Variants in LRFN5 observed in about 807,000 individuals in gnomAD.
The protein encoded by LRFN5 is leucine-rich repeat and fibronectin type-III domain-containing protein 5.
A neutral mutation model predicts 45.6 loss-of-function variants in LRFN5; 24 were observed. The observed-to-expected ratio is 0.53, with a 90% CI of 0.38 to 0.74. The LOEUF (loss-of-function observed/expected upper bound fraction) is 0.74, where lower values mean the gene tolerates loss of function less well. Among genes scored for constraint, LRFN5 ranks in the 30% least tolerant of loss-of-function variants. LRFN5 has a pLI of 0.00. For synonymous variants in LRFN5, 340 were observed against 313.8 expected (o/e 1.08, Z -0.88); for missense variants, 776 against 861.5 (o/e 0.90, Z 1.24).
intron 2 of LRFN5, among the ~76,000 whole-genome samples, chr14:41,884,902 C>A (rs1890511081): frequency 6.6e-6 from 1 of 151,974 alleles, no homozygotes. Flanking sequence ...GGGGCTTTTA[C>A]CCTACAAAAG....
chr14:41,903,691 A>T (rs1891165877), intron 5 of LRFN5, among the ~76,000 whole-genome samples: 1 of 151,866 alleles, frequency 6.6e-6, no homozygotes, highest in Non-Finnish European at 1.5e-5. Flanking sequence ...AAGGTGAATA[A>T]TTTACTACCA....
rs1334606872 is a variant in LRFN5, at chr14:41,808,438, G to A, written c.-21+41409G>A. On this transcript the variant is annotated intron_variant, in intron 2 of 5. Coordinates refer to ENST00000298119, the MANE Select transcript of LRFN5 (RefSeq NM_152447.5). ...AAGGAAGGAAGGAAGGAAGAATCGAGGGAGGGAGGGAGGACCTATAAGATT... is the reference window on the plus strand; with the variant it reads ...AAGGAAGGAAGGAAGGAAGAATCGAAGGAGGGAGGGAGGACCTATAAGATT... 1.8e-4 allele frequency among the ~76,000 whole-genome samples: 23 copies of A among 125,870 alleles called. 1 individual carries two copies. Among genetic ancestry groups the A allele is most frequent in the Non-Finnish European group, 5.0e-5 (3 of 59,500 alleles). 82.6% of individuals were successfully genotyped at this position (125,870 alleles called of 152,430 possible).
chr14:41,720,357 T>G (rs564605414), intron 1 of LRFN5, among the ~76,000 whole-genome samples: 1 of 152,268 alleles, frequency 6.6e-6, no homozygotes, highest in East Asian at 1.9e-4. Flanking sequence ...CCTAGGTTGA[T>G]TCCATGTCTT....
rs564746730 is a variant in LRFN5, at chr14:41,844,279, T to C, written c.-20-42327T>C. Among the ~76,000 whole-genome samples, 10 of 151,674 alleles carry C rather than the reference T, an allele frequency of 6.6e-5. 1 individual carries two copies. The highest frequency in any genetic ancestry group is 5.9e-4 in the Admixed American group (9 of 15,214). ...GGTGAAACCCCGTCTCTACTAAAAA[T>C]ACAAAAAATTAGCCAGGCGTGGTGG... is the stretch of plus-strand genomic sequence containing the variant. On this transcript the variant is annotated intron_variant, in intron 2 of 5. Coordinates refer to ENST00000298119, the MANE Select transcript of LRFN5 (RefSeq NM_152447.5).
At chr14:41,879,241 A>G (rs1283159547) in intron 2 of LRFN5, among the ~76,000 whole-genome samples, 1 of 152,074 alleles carries the variant, frequency 6.6e-6, no homozygotes, top group East Asian at 1.9e-4. Context: ...AAGAAGATTT[A>G]TGTTCCTAAA....
intron 2 of LRFN5, among the ~76,000 whole-genome samples, chr14:41,804,668 A>G (rs1594424515): frequency 1.3e-5 from 2 of 152,156 alleles, no homozygotes; most frequent in Non-Finnish European, 2.9e-5. Context: ...CCCTGGAAAG[A>G]CTAAGAGAAT....
chr14:41,661,710 G>C (rs1212404941), intron 1 of LRFN5, among the ~76,000 whole-genome samples: 1 of 151,974 alleles, frequency 6.6e-6, no homozygotes, highest in Non-Finnish European at 1.5e-5. Flanking sequence ...GTAGTGAAGA[G>C]TGTCAATAAG....
intron 2 of LRFN5, among the ~76,000 whole-genome samples, chr14:41,838,504 A>G (rs1029573563): frequency 2.0e-5 from 3 of 152,206 alleles, no homozygotes; most frequent in Non-Finnish European, 4.4e-5. Flanking sequence ...CTATGAACAG[A>G]TGAACCTTAA....
intron 1 of LRFN5, among the ~76,000 whole-genome samples, chr14:41,698,963 CAG>C (rs1303109168): frequency 1.3e-5 from 2 of 151,710 alleles, no homozygotes; most frequent in African/African-American, 4.8e-5. Context: ...ATATCAGAAA[CAG>C]AAAAGCAATC....
intron 2 of LRFN5, among the ~76,000 whole-genome samples, chr14:41,823,079 TA>T (rs201573708): frequency 2.6e-5 from 4 of 151,532 alleles, no homozygotes; most frequent in African/African-American, 7.3e-5. Flanking sequence ...GAATCTTTTT[TA>T]AAAAAAAATC....
At chr14:41,828,158 C>T (rs1306060338) in intron 2 of LRFN5, among the ~76,000 whole-genome samples, 1 of 151,860 alleles carries the variant, frequency 6.6e-6, no homozygotes, top group Non-Finnish European at 1.5e-5. Flanking sequence ...ACAGACTGTA[C>T]GTTTTAGATT....
At chr14:41,884,074 C>T (rs1274147757) in intron 2 of LRFN5, among the ~76,000 whole-genome samples, 2 of 152,138 alleles carry the variant, frequency 1.3e-5, no homozygotes, top group Non-Finnish European at 2.9e-5. Context: ...TGCTAGTACA[C>T]TGCCCCACAA....
Position 41,877,423 on chromosome 14 carries a change from A to C in LRFN5, c.-20-9183A>C, listed in dbSNP as rs1890222754. On this transcript the variant is annotated intron_variant, in intron 2 of 5. Transcript: ENST00000298119. ...CTACAAGTTAGAGAAGGCACAAGTT[A>C]GAGAAGGCATGATCATGACAAATTT... Among the ~76,000 whole-genome samples, 3 of 152,200 alleles carry C rather than the reference A, an allele frequency of 2.0e-5. No homozygotes were observed. The South Asian group carries it at 6.2e-4, about 32-fold the overall frequency.
intron 2 of LRFN5, among the ~76,000 whole-genome samples, chr14:41,824,303 G>A (rs1888220838): frequency 6.6e-6 from 1 of 152,148 alleles, no homozygotes; most frequent in African/African-American, 2.4e-5. Flanking sequence ...CACTTGTTAG[G>A]TTTGAATTTA....
rs879439276 is a variant in LRFN5 at position 41,650,891 on chromosome 14, G to T, written c.-197+42329G>T. Reference sequence around the variant, plus strand: ...AGCAACAAAGAGACAGAGAAAGAGAGAGAGAGAGGGAGGGAGGGAGGGAGG... The same window carrying T: ...AGCAACAAAGAGACAGAGAAAGAGATAGAGAGAGGGAGGGAGGGAGGGAGG... On this transcript the variant is annotated intron_variant, in intron 1 of 5. Coordinates refer to ENST00000298119, the MANE Select transcript of LRFN5 (RefSeq NM_152447.5). Among the ~76,000 whole-genome samples the T allele has an allele frequency of 9.7e-3, 1,086 of 111,632 alleles. 5 individuals carry two copies. Among genetic ancestry groups the T allele is most frequent in the East Asian group, 0.014 (46 of 3,334 alleles). The allele number at this position is 111,632 out of a possible 152,430, so 73.2% of individuals were successfully genotyped here. A position where few individuals can be genotyped will look rare whatever the true frequency, so the allele number is the denominator to read the frequency against.
intron 1 of LRFN5, among the ~76,000 whole-genome samples, chr14:41,732,460 A>G (rs1436198581): frequency 1.3e-5 from 2 of 152,166 alleles, no homozygotes; most frequent in African/African-American, 4.8e-5. Flanking sequence ...AAATACATAT[A>G]TTAGGTAAAT....
At chr14:41,691,880 C>A (rs868031003) in intron 1 of LRFN5, among the ~76,000 whole-genome samples, 1 of 152,006 alleles carries the variant, frequency 6.6e-6, no homozygotes, top group Admixed American at 6.6e-5. Context: ...TTTTGAGTTT[C>A]ATCAATATTA....
chr14:41,893,585 A>T, intron 4 of LRFN5: 1 of 985,324 alleles, frequency 1.0e-6, no homozygotes, highest in Non-Finnish European at 1.2e-6. Flanking sequence ...CTTAAGACAC[A>T]AGTGAGGAAT....
At chr14:41,658,540 T>G in intron 1 of LRFN5, among the ~76,000 whole-genome samples, 1 of 151,966 alleles carries the variant, frequency 6.6e-6, no homozygotes, top group East Asian at 1.9e-4. Context: ...ATAATTTATT[T>G]CTAATATATC....
Sources: allele counts gnomAD v4.1 joint callset (sites outside exome capture counted in the v4.1 genomes callset), GRCh38; gene constraint gnomAD v4.1.1; transcripts MANE v1.5; gene names NCBI Gene and HGNC (gene_info 2026-07-23, HGNC 2026-07-21).